The following CTNNA2 variants were observed in gnomAD, a reference collection of about 807,000 sequenced individuals.
The protein encoded by CTNNA2 is catenin alpha-2.
In CTNNA2, 42 loss-of-function variants were observed where a neutral mutation model predicts 101.0. The observed-to-expected ratio is 0.42, with a 90% CI of 0.32 to 0.54. CTNNA2 has a LOEUF of 0.54. Among genes scored for constraint, CTNNA2 ranks in the 20% least tolerant of loss-of-function variants. The pLI is 0.14. For synonymous variants in CTNNA2, 450 were observed against 456.4 expected (o/e 0.99, Z 0.18); for missense variants, 871 against 1,223.1 (o/e 0.71, Z 4.29).
chr2:79,345,859 ATTT>A (rs71385269), intron 3 of CTNNA2, among the ~76,000 whole-genome samples: 5 of 130,594 alleles, frequency 3.8e-5, no homozygotes, highest in Non-Finnish European at 3.2e-5. Flanking sequence ...CGCCCGGTTG[ATTT>A]TTTTTTTTTT....
chr2:79,351,043 T>A (rs1677375309), intron 3 of CTNNA2, among the ~76,000 whole-genome samples: 2 of 152,204 alleles, frequency 1.3e-5, no homozygotes. Context: ...ATATTACTTG[T>A]CTGAGATAAT....
intron 2 of CTNNA2, among the ~76,000 whole-genome samples, chr2:79,743,456 AC>A (rs2104985936): frequency 6.6e-6 from 1 of 152,226 alleles, no homozygotes; most frequent in African/African-American, 2.4e-5. Context: ...GATTCTAGAA[AC>A]TTTAGCTGGT....
intron 7 of CTNNA2, among the ~76,000 whole-genome samples, chr2:80,232,213 C>T (rs1202374391): frequency 6.6e-6 from 1 of 152,046 alleles, no homozygotes; most frequent in Non-Finnish European, 1.5e-5. Flanking sequence ...AAGCTGTAAC[C>T]CAACCACTTT....
At chr2:79,325,770 C>G (rs1676732322) in intron 3 of CTNNA2, among the ~76,000 whole-genome samples, 1 of 152,216 alleles carries the variant, frequency 6.6e-6, no homozygotes, top group Non-Finnish European at 1.5e-5. Context: ...TTCATCACAA[C>G]ACTTATCATA....
intron 2 of CTNNA2, among the ~76,000 whole-genome samples, chr2:79,210,583 T>C (rs1277807660): frequency 6.6e-6 from 1 of 152,094 alleles, no homozygotes; most frequent in Non-Finnish European, 1.5e-5. Context: ...TTAGTTTCTT[T>C]TGGGTTGGTG....
chr2:79,444,360 A>G (rs1678809588), intron 4 of CTNNA2, among the ~76,000 whole-genome samples: 1 of 152,164 alleles, frequency 6.6e-6, no homozygotes, highest in African/African-American at 2.4e-5. Flanking sequence ...ACCTGGTTAC[A>G]TAGCCACAAA....
rs1675254840 is a variant in CTNNA2 at position 79,791,337 on chromosome 2, G to A, written c.298+46755G>A. On this transcript the variant is annotated intron_variant, in intron 3 of 18. Coordinates refer to ENST00000402739, the MANE Select transcript of CTNNA2 (RefSeq NM_001282597.3). ...GTTTATTTTTCCCATTTCTCTCCCA[G>A]ACATGCCTCAACCGATCCTTTTTAC... 5.3e-5 allele frequency among the ~76,000 whole-genome samples: 8 copies of A among 152,018 alleles called. No individual in the cohort carries two copies. The South Asian group carries it at 1.7e-3, about 31-fold the overall frequency.
At chr2:80,118,672 A>C (rs1219016422) in intron 7 of CTNNA2, among the ~76,000 whole-genome samples, 1 of 152,244 alleles carries the variant, frequency 6.6e-6, no homozygotes, top group Non-Finnish European at 1.5e-5. Flanking sequence ...TCTTTAACAA[A>C]GGAAGTAGAA....
chr2:79,457,393 C>T (rs1670837191), intron 4 of CTNNA2, among the ~76,000 whole-genome samples: 1 of 151,890 alleles, frequency 6.6e-6, no homozygotes, highest in Non-Finnish European at 1.5e-5. Context: ...CTACAGTTCA[C>T]AGTGTTGTGT....
At chr2:79,562,559 A>G (rs1360616197) in intron 1 of CTNNA2, among the ~76,000 whole-genome samples, 1 of 152,040 alleles carries the variant, frequency 6.6e-6, no homozygotes, top group Non-Finnish European at 1.5e-5. Context: ...GAAATTGACG[A>G]CTGAGATTAT....
chr2:80,170,392 G>A (rs1900255), intron 7 of CTNNA2, among the ~76,000 whole-genome samples: 28,955 of 152,060 alleles, frequency 0.19, 3,738 homozygotes, highest in African/African-American at 0.36. Context: ...TCACCCAACC[G>A]TCACCTGATC....
At chr2:80,158,325 T>A (rs965556612) in intron 7 of CTNNA2, among the ~76,000 whole-genome samples, 6 of 152,176 alleles carry the variant, frequency 3.9e-5, no homozygotes, top group Non-Finnish European at 8.8e-5. Context: ...AACAGAAAAA[T>A]TTTGAGATAA....
chr2:79,620,033 A>G (rs1212427170), intron 1 of CTNNA2, among the ~76,000 whole-genome samples: 3 of 152,312 alleles, frequency 2.0e-5, no homozygotes, highest in East Asian at 3.9e-4. Flanking sequence ...AACAAAAAAA[A>G]TGAGTGCGAT....
At chr2:79,903,448 A>T (rs1470765385) in intron 6 of CTNNA2, among the ~76,000 whole-genome samples, 1 of 152,126 alleles carries the variant, frequency 6.6e-6, no homozygotes, top group East Asian at 1.9e-4. Flanking sequence ...ATGATTCATC[A>T]TTGCCTAAAG....
chr2:79,662,010 A>G (rs768169900), intron 2 of CTNNA2, among the ~76,000 whole-genome samples: 3 of 151,726 alleles, frequency 2.0e-5, no homozygotes, highest in Non-Finnish European at 4.4e-5. Flanking sequence ...GGAAGAGAGT[A>G]AGGAAATAAA....
rs925403 is a variant in CTNNA2, at chr2:79,785,945, T to A, written c.298+41363T>A. On this transcript the variant is annotated intron_variant, in intron 3 of 18. Transcript: ENST00000402739. Reference sequence around the variant, plus strand: ...CTTCACAATTGCTATATACAAAGGCTAACAAAAGGGAAAACTCAGCTAAAT... The same window carrying A: ...CTTCACAATTGCTATATACAAAGGCAAACAAAAGGGAAAACTCAGCTAAAT... Among the ~76,000 whole-genome samples the A allele has an allele frequency of 0.013, 2,020 of 152,258 alleles. 111 individuals are homozygous for A. The East Asian group carries it at 0.16, about 12-fold the overall frequency.
At chr2:79,631,709 G>A (rs1011171967) in intron 1 of CTNNA2, among the ~76,000 whole-genome samples, 1 of 152,246 alleles carries the variant, frequency 6.6e-6, no homozygotes, top group African/African-American at 2.4e-5. Context: ...ATCACCATGT[G>A]TACTTTCTAA....
intron 1 of CTNNA2, among the ~76,000 whole-genome samples, chr2:79,592,363 C>T (rs1451435330): frequency 6.6e-6 from 1 of 151,938 alleles, no homozygotes; most frequent in Non-Finnish European, 1.5e-5. Flanking sequence ...AACTCCTGAC[C>T]TCAGGTGATC....
intron 12 of CTNNA2, among the ~76,000 whole-genome samples, chr2:80,563,421 T>C (rs893370905): frequency 1.5e-4 from 23 of 152,178 alleles, no homozygotes; most frequent in Admixed American, 2.0e-4. Context: ...AGAAATAGTT[T>C]TGGTAATGAA....
Sources: gnomAD v4.1 joint callset for allele counts (sites outside exome capture counted in the v4.1 genomes callset) on GRCh38, gnomAD v4.1.1 for gene constraint, MANE v1.5 for transcripts, NCBI Gene and HGNC (gene_info 2026-07-23, HGNC 2026-07-21) for gene names.